POMT1: variants seen among roughly 807,000 people sequenced by gnomAD.
The protein encoded by POMT1 is protein O-mannosyl-transferase 1.
A neutral mutation model predicts 101.6 loss-of-function variants in POMT1; 85 were observed. That is an observed-to-expected ratio of 0.84 (90% CI 0.70 to 1.00). The LOEUF (loss-of-function observed/expected upper bound fraction) is 1.00, where lower values mean the gene tolerates loss of function less well. Ranked by LOEUF, POMT1 falls within the 50% of genes least tolerant of loss-of-function variation. The pLI is 0.00. For missense variants in POMT1, 857 were observed against 930.4 expected (o/e 0.92, Z 1.03); for synonymous variants, 371 against 383.0 (o/e 0.97, Z 0.37).
rs180998972 is a variant in POMT1 at position 131,523,634 on chromosome 9, C to G, written c.*528C>G. 5.2e-6 allele frequency: 1 copy of G among 194,066 alleles called. No individual in the cohort carries two copies. The highest frequency in any genetic ancestry group is 1.1e-5 in the Non-Finnish European group (1 of 92,330). The allele number at this position is 194,066 out of a possible 1,614,324, so 12.0% of individuals were successfully genotyped here. A position where few individuals can be genotyped will look rare whatever the true frequency, so the allele number is the denominator to read the frequency against. Reference sequence around the variant, plus strand: ...GCTTGCATGTCATTGTCTATGACAGCGTCAAGACTGGCCCTTGGCACCGTG... The same window carrying G: ...GCTTGCATGTCATTGTCTATGACAGGGTCAAGACTGGCCCTTGGCACCGTG... On this transcript the variant is annotated 3_prime_UTR_variant, in exon 20 of 20. Coordinates refer to ENST00000402686, the MANE Select transcript of POMT1 (RefSeq NM_001077365.2).
At chr9:131,504,436 C>G in intron 2 of POMT1, 96 bp downstream of exon 2, 2 of 1,586,908 alleles carry the variant, frequency 1.3e-6, no homozygotes, top group Non-Finnish European at 1.7e-6. Flanking sequence ...GAGTGAAATC[C>G]TGGCTTCTTG....
rs772370177 is a variant in POMT1 at position 131,509,761 on chromosome 9, G to T, written c.558G>T (p.Trp186Cys). Residue 186 changes from tryptophan (W) to cysteine (C), a missense_variant, in exon 7 of 20, where the codon TGG (tryptophan) becomes TGT (cysteine). Coordinates refer to ENST00000402686, the MANE Select transcript of POMT1 (RefSeq NM_001077365.2). ...ATTCCAGCCCTTTTTCTCTGAGCTGGTGGTTCTGGCTAACACTGACAGGGG... is the reference window on the plus strand; with the variant it reads ...ATTCCAGCCCTTTTTCTCTGAGCTGTTGGTTCTGGCTAACACTGACAGGGG... ...CQKHSPFSLSWWFWLTLTGVA... is the reference protein window; with the variant it reads ...CQKHSPFSLSCWFWLTLTGVA... The T allele has an allele frequency of 1.6e-5, 26 of 1,614,170 alleles. No individual in the cohort carries two copies. The South Asian group carries it at 2.9e-4, about 18-fold the overall frequency.
chr9:131,518,773 C>T, intron 14 of POMT1, 64 bp from the exon 15 acceptor site: 1 of 1,613,170 alleles, frequency 6.2e-7, no homozygotes, highest in Non-Finnish European at 8.5e-7. Flanking sequence ...CCCCTTCCAA[C>T]CCAAGTGGAC....
chr9:131,522,974 C>T lies in POMT1; in HGVS notation c.2046C>T (p.Ala682=), dbSNP rs1159286282. ...GCATCTTCAGCGCCCTGGTGGTGGC[C>T]TGGTACTCCTCCGCGTGCCACGTGT... The part of the protein sequence containing the change: ...QRSIFSALVV[A]WYSSACHVSN... Residue 682 remains alanine (A), a synonymous_variant, in exon 20 of 20, where the codon GCC becomes GCT. Coordinates refer to ENST00000402686, the MANE Select transcript of POMT1 (RefSeq NM_001077365.2). The surrounding 1 kb of genome is among the most constrained non-coding windows in gnomAD (Gnocchi z 5.5). 2 of 1,603,320 alleles carry T rather than the reference C, an allele frequency of 1.2e-6. No individual in the cohort carries two copies. Among genetic ancestry groups the T allele is most frequent in the Non-Finnish European group, 1.7e-6 (2 of 1,176,680 alleles).
Position 131,509,773 on chromosome 9 carries a change from A to G in POMT1, c.570A>G (p.Leu190=), listed in dbSNP as rs769450476. ...TTTCTCTGAGCTGGTGGTTCTGGCT[A>G]ACACTGACAGGGGTCGCTTGTTCCT... The part of the protein sequence containing the change: ...SPFSLSWWFW[L]TLTGVACSCA... Residue 190 remains leucine, a synonymous_variant, in exon 7 of 20, where the codon CTA becomes CTG. Transcript: ENST00000402686. 6.2e-7 allele frequency: 1 copy of G among 1,614,180 alleles called. No individual in the cohort carries two copies. Among genetic ancestry groups the G allele is most frequent in the South Asian group, 1.1e-5 (1 of 91,084 alleles).
In POMT1 at chr9:131,510,081, C is replaced by G. The variant is rs369000699; in HGVS notation, c.699+85C>G. ...ACAGGGGGTACTTGGTGAAAAGACT[C>G]CAATCCTCAATGTTTTAGAAGCAGG... On this transcript the variant is annotated intron_variant, in intron 8 of 19. Coordinates refer to ENST00000402686, the MANE Select transcript of POMT1 (RefSeq NM_001077365.2). The G allele has an allele frequency of 7.8e-5, 126 of 1,614,036 alleles. No homozygotes were observed. Among genetic ancestry groups the G allele is most frequent in the Non-Finnish European group, 1.0e-4 (121 of 1,179,918 alleles).
At chr9:131,505,296 G>GTT (rs1564329307) in intron 2 of POMT1, among the ~76,000 whole-genome samples, 364 of 28,870 alleles carry the variant, frequency 0.013, 6 homozygotes, top group African/African-American at 0.032. Flanking sequence ...AAAAGATGAG[G>GTT]ATTTTTTTTT....
intron 6 of POMT1, 68 bp from the exon 7 acceptor site, chr9:131,509,675 A>T: frequency 6.2e-7 from 1 of 1,613,626 alleles, no homozygotes. Context: ...AAGAATGTGG[A>T]GCTTCACTAG....
chr9:131,512,763 C>G (rs2131696744), intron 11 of POMT1, among the ~76,000 whole-genome samples: 1 of 152,286 alleles, frequency 6.6e-6, no homozygotes, highest in South Asian at 2.1e-4. Context: ...AGGCGCCCAC[C>G]ACCACATCCT....
At chr9:131,518,264 C>T (rs199532245) in intron 13 of POMT1, 181 bp from the exon 14 acceptor site, 272 of 740,188 alleles carry the variant, frequency 3.7e-4, no homozygotes, top group Non-Finnish European at 5.7e-4. Flanking sequence ...CGGAGCAGCC[C>T]GGGGTGCTGT....
chr9:131,510,505 C>T (rs750183548), intron 9 of POMT1, 90 bp downstream of exon 9: 2 of 1,459,722 alleles, frequency 1.4e-6, no homozygotes, highest in Admixed American at 1.8e-5. Flanking sequence ...TGAACATTAG[C>T]ACTTGAATCA....
intron 13 of POMT1, among the ~76,000 whole-genome samples, chr9:131,517,139 T>C (rs771945813): frequency 6.6e-6 from 1 of 152,194 alleles, no homozygotes; most frequent in Non-Finnish European, 1.5e-5. Flanking sequence ...TTCAGCGCTT[T>C]CTGCCTACGC....
At chr9:131,511,242 C>T (rs1947045647) in intron 9 of POMT1, 95 bp from the exon 10 acceptor site, 1 of 1,354,162 alleles carries the variant, frequency 7.4e-7, no homozygotes. Context: ...CCAGCCTAAA[C>T]ATCACCCCAG....
chr9:131,511,246 A>T, intron 9 of POMT1, 91 bp from the exon 10 acceptor site: 2 of 1,374,516 alleles, frequency 1.5e-6, no homozygotes, highest in Non-Finnish European at 2.0e-6. Flanking sequence ...CCTAAACATC[A>T]CCCCAGAGGG....
At chr9:131,507,210 C>A in intron 4 of POMT1, 158 bp from the exon 5 acceptor site, 1 of 1,002,398 alleles carries the variant, frequency 1.0e-6, no homozygotes, top group African/African-American at 1.6e-5. Flanking sequence ...AGCCTTCACC[C>A]ATAGTTTATG....
At chr9:131,510,804 C>T in intron 9 of POMT1, 1 of 342,756 alleles carries the variant, frequency 2.9e-6, no homozygotes, top group African/African-American at 2.1e-5. Flanking sequence ...CCGCGCCTGG[C>T]AGCTGGGAGC....
At chr9:131,507,962 G>A (rs1310007118) in intron 5 of POMT1, among the ~76,000 whole-genome samples, 1 of 152,258 alleles carries the variant, frequency 6.6e-6, no homozygotes, top group Non-Finnish European at 1.5e-5. Flanking sequence ...GCTGGGCGCA[G>A]TGGCTCACAC....
chr9:131,507,128 A>G (rs553826543), intron 4 of POMT1, among the ~76,000 whole-genome samples: 1 of 152,136 alleles, frequency 6.6e-6, no homozygotes, highest in Non-Finnish European at 1.5e-5. Context: ...GTAAGGCGGT[A>G]AATTTTAGAA....
chr9:131,504,083 G>A, intron 1 of POMT1, 106 bp from the exon 2 acceptor site: 1 of 1,362,650 alleles, frequency 7.3e-7, no homozygotes, highest in Non-Finnish European at 1.0e-6. Context: ...CAGCAGCCCG[G>A]CTGTGCTGTG....
Sources: allele counts gnomAD v4.1 joint callset (sites outside exome capture counted in the v4.1 genomes callset), GRCh38; gene constraint gnomAD v4.1.1; non-coding constraint Gnocchi (gnomAD v3.1); transcripts MANE v1.5; gene names NCBI Gene and HGNC (gene_info 2026-07-23, HGNC 2026-07-21).